The following SEPHS1 variants were observed in gnomAD, a reference collection of about 807,000 sequenced individuals.
SEPHS1 encodes selenophosphate synthetase 1.
SEPHS1 carries 7 observed loss-of-function variants against 39.2 expected under a neutral mutation model. The ratio of observed to expected loss-of-function variants is 0.18; its 90% CI spans 0.10 to 0.34. SEPHS1 has a LOEUF of 0.34. Ranked by LOEUF, SEPHS1 falls within the 10% of genes least tolerant of loss-of-function variation. SEPHS1 has a pLI of 1.00. For synonymous variants in SEPHS1, 190 were observed against 195.5 expected (o/e 0.97, Z 0.23); for missense variants, 253 against 514.5 (o/e 0.49, Z 4.92).
intron 8 of SEPHS1, among the ~76,000 whole-genome samples, chr10:13,322,579 TATTTCCCCC>T (rs1442719864): frequency 2.0e-5 from 3 of 152,202 alleles, no homozygotes; most frequent in Admixed American, 6.5e-5. Context: ...AATGCTACCT[TATTTCCCCC>T]ATCACCATAT....
Position 13,318,564 on chromosome 10 carries a change from G to C in SEPHS1, c.*578C>G, listed in dbSNP as rs1183508105. ...GTGTTTTCCATGCAATGAAGCACTTGCTGTGTTGAACTGAATGCACTACTG... is the reference window on the plus strand; with the variant it reads ...GTGTTTTCCATGCAATGAAGCACTTCCTGTGTTGAACTGAATGCACTACTG... On this transcript the variant is annotated 3_prime_UTR_variant, in exon 9 of 9. Transcript: ENST00000327347. 1 of 152,526 alleles carries C rather than the reference G, an allele frequency of 6.6e-6. No homozygotes were observed. Among genetic ancestry groups the C allele is most frequent in the African/African-American group, 2.4e-5 (1 of 41,426 alleles). 9.4% of individuals were successfully genotyped at this position (152,526 alleles called of 1,614,324 possible).
In SEPHS1 at chr10:13,328,449, G is replaced by A. The variant is rs756142199; in HGVS notation, c.653C>T (p.Pro218Leu). The stretch of plus-strand genomic sequence containing the variant: ...TAGTTTAATCTTATTCCATTTCTCA[G>A]GCTGATAATAGAAATGTAGGTGAGG... Reference protein sequence around the residue: ...AVAVHQWLDIPEKWNKIKLVV... With the variant: ...AVAVHQWLDILEKWNKIKLVV... Residue 218 changes from proline to leucine, a missense_variant and splice_region_variant, in exon 7 of 9, where the codon CCT becomes CTT. Pro to Leu is a moderately conservative substitution (Grantham distance 98). This residue lies in a region of SEPHS1 where 107 missense variants were observed against 257.1 expected (regional missense o/e 0.42). Transcript: ENST00000327347. The A allele has an allele frequency of 3.1e-6, 5 of 1,599,084 alleles. No homozygotes were observed. In the East Asian group the frequency reaches 1.1e-4, roughly 36 times the overall value.
intron 1 of SEPHS1, among the ~76,000 whole-genome samples, chr10:13,345,809 G>A (rs1382221832): frequency 6.6e-6 from 1 of 152,292 alleles, no homozygotes; most frequent in South Asian, 2.1e-4. Flanking sequence ...CCTGGGAGGC[G>A]GAGGTTGCAG....
chr10:13,339,457 C>G (rs1229137927), intron 2 of SEPHS1, among the ~76,000 whole-genome samples: 1 of 152,148 alleles, frequency 6.6e-6, no homozygotes, highest in Non-Finnish European at 1.5e-5. Context: ...ATACGCTACT[C>G]CTTGTCTTGG....
chr10:13,338,039 TA>T (rs1833688586), intron 3 of SEPHS1, among the ~76,000 whole-genome samples: 4 of 152,126 alleles, frequency 2.6e-5, no homozygotes, highest in Admixed American at 1.3e-4. Context: ...AAATTGGGGT[TA>T]AAGGTTGGGT....
At chr10:13,340,982 T>C (rs901217007) in intron 2 of SEPHS1, among the ~76,000 whole-genome samples, 2 of 152,248 alleles carry the variant, frequency 1.3e-5, no homozygotes, top group Non-Finnish European at 2.9e-5. Flanking sequence ...TAATGTCGTA[T>C]ATATACATAC....
intron 4 of SEPHS1, among the ~76,000 whole-genome samples, chr10:13,335,241 G>A (rs989448003): frequency 2.0e-5 from 3 of 152,160 alleles, no homozygotes; most frequent in African/African-American, 4.8e-5. Flanking sequence ...CCTATCCCCC[G>A]TCACCATCTA....
At position 13,347,668 on chromosome 10, in the gene SEPHS1, G is replaced by T. The variant is rs1156784353; in HGVS notation, c.-79+332C>A. ...GCCGCTCCCGCCGCGCGCACGGGCC[G>T]CCGCCGCCGCCGCGCAAAAATGTCG... On this transcript the variant is annotated intron_variant, in intron 1 of 8. Coordinates refer to ENST00000327347, the MANE Select transcript of SEPHS1 (RefSeq NM_012247.5). 2.0e-5 allele frequency among the ~76,000 whole-genome samples: 3 copies of T among 146,446 alleles called. No homozygotes were observed. The East Asian group carries it at 6.0e-4, about 29-fold the overall frequency.
chr10:13,338,984 C>G (rs1056588431), intron 2 of SEPHS1, 176 bp from the exon 3 acceptor site: 2 of 611,746 alleles, frequency 3.3e-6, no homozygotes, highest in Admixed American at 5.5e-5. Context: ...GAAACATATC[C>G]AGCTTAGGAT....
chr10:13,327,253 A>G (rs926519818), intron 7 of SEPHS1, among the ~76,000 whole-genome samples: 1 of 150,558 alleles, frequency 6.6e-6, no homozygotes, highest in Non-Finnish European at 1.5e-5. Flanking sequence ...AAAAAAAAAA[A>G]AAAAAAAAAA....
At chr10:13,346,837 T>A (rs1011063089) in intron 1 of SEPHS1, among the ~76,000 whole-genome samples, 11 of 152,180 alleles carry the variant, frequency 7.2e-5, no homozygotes, top group Non-Finnish European at 8.8e-5. Context: ...GGCTATCACT[T>A]CCTTTTAAAT....
chr10:13,339,006 A>G, intron 2 of SEPHS1, 198 bp from the exon 3 acceptor site: 1 of 592,784 alleles, frequency 1.7e-6, no homozygotes, highest in South Asian at 2.0e-5. Context: ...GAAAATACCA[A>G]TGAAAATGTT....
intron 8 of SEPHS1, 115 bp from the exon 9 acceptor site, chr10:13,319,471 A>C (rs1463634036): frequency 3.8e-6 from 4 of 1,042,360 alleles, no homozygotes; most frequent in Non-Finnish European, 4.4e-6. Context: ...CCTATATGCA[A>C]GTAGCTCTTC....
chr10:13,336,859 T>C (rs1833651293), intron 3 of SEPHS1, among the ~76,000 whole-genome samples: 1 of 152,208 alleles, frequency 6.6e-6, no homozygotes, highest in African/African-American at 2.4e-5. Context: ...TAAGAAATGT[T>C]TGCAGCTTAG....
intron 5 of SEPHS1, among the ~76,000 whole-genome samples, chr10:13,331,422 G>A (rs1313040882): frequency 6.6e-6 from 1 of 151,446 alleles, no homozygotes; most frequent in Admixed American, 6.6e-5. Context: ...GTTTCACTCT[G>A]TCACCCAGGC....
intron 5 of SEPHS1, among the ~76,000 whole-genome samples, chr10:13,331,891 G>A (rs1833482456): frequency 6.6e-6 from 1 of 152,236 alleles, no homozygotes; most frequent in Non-Finnish European, 1.5e-5. Context: ...AGACAGACAG[G>A]AAAACAAGTA....
At chr10:13,328,543 A>G (rs1016058172) in intron 6 of SEPHS1, 93 bp from the exon 7 acceptor site, 17 of 869,800 alleles carry the variant, frequency 2.0e-5, no homozygotes, top group Middle Eastern at 2.3e-4. Context: ...ACTTTTTCTT[A>G]TTTAACTTCT....
chr10:13,344,304 G>A (rs1348893395), intron 2 of SEPHS1, among the ~76,000 whole-genome samples: 1 of 152,130 alleles, frequency 6.6e-6, no homozygotes, highest in Non-Finnish European at 1.5e-5. Flanking sequence ...AAGTATTTCT[G>A]CTTAATCTTC....
intron 7 of SEPHS1, among the ~76,000 whole-genome samples, chr10:13,326,665 A>G (rs1207969766): frequency 6.6e-6 from 1 of 151,448 alleles, no homozygotes; most frequent in Non-Finnish European, 1.5e-5. Flanking sequence ...CTCCCACCTC[A>G]GCCTCTCGAG....
Sources: allele counts gnomAD v4.1 joint callset (sites outside exome capture counted in the v4.1 genomes callset), GRCh38; gene constraint gnomAD v4.1.1; regional missense constraint gnomAD v4.1.1; transcripts MANE v1.5; gene names NCBI Gene and HGNC (gene_info 2026-07-23, HGNC 2026-07-21).